The following LYPD6B variants were observed in gnomAD, a reference collection of about 807,000 sequenced individuals.
The protein encoded by LYPD6B is ly6/PLAUR domain-containing protein 6B.
Under a neutral mutation model 22.8 loss-of-function variants are expected in LYPD6B, and 17 were observed. That is an observed-to-expected ratio of 0.75 (90% CI 0.51 to 1.12). The LOEUF (loss-of-function observed/expected upper bound fraction) is 1.12, where lower values mean the gene tolerates loss of function less well. LYPD6B is among the 50% of genes most tolerant of loss of function. The probability of loss-of-function intolerance (pLI) is 0.00; values close to 1 mark genes in which losing one functional copy is unlikely to be tolerated. For missense variants in LYPD6B, 221 were observed against 258.3 expected (o/e 0.86, Z 0.99); for synonymous variants, 106 against 91.6 (o/e 1.16, Z -0.90).
chr2:149,173,100 C>G (rs10490384), intron 3 of LYPD6B, among the ~76,000 whole-genome samples: 14,096 of 151,408 alleles, frequency 0.093, 804 homozygotes, highest in Non-Finnish European at 0.11. Context: ...CTAATACAAT[C>G]GTGAAGAAGA....
intron 1 of LYPD6B, among the ~76,000 whole-genome samples, chr2:149,056,274 T>G (rs559883418): frequency 6.6e-6 from 1 of 152,194 alleles, no homozygotes; most frequent in Admixed American, 6.5e-5. Flanking sequence ...CTTCAGGTAC[T>G]GTGCTGGGAT....
intron 2 of LYPD6B, among the ~76,000 whole-genome samples, chr2:149,143,469 T>C (rs1245438901): frequency 5.3e-5 from 8 of 149,704 alleles, no homozygotes; most frequent in African/African-American, 1.7e-4. Flanking sequence ...CTATACCGTT[T>C]GAAAAGTTTA....
intron 1 of LYPD6B, among the ~76,000 whole-genome samples, chr2:149,103,511 G>A (rs907095361): frequency 6.6e-6 from 1 of 152,050 alleles, no homozygotes; most frequent in African/African-American, 2.4e-5. Flanking sequence ...ACAATAAACT[G>A]TACATATTTA....
chr2:149,162,840 GTACTC>G (rs1383657197), intron 3 of LYPD6B, among the ~76,000 whole-genome samples: 2 of 152,074 alleles, frequency 1.3e-5, no homozygotes, highest in Non-Finnish European at 2.9e-5. Context: ...TGGCTGCTGA[GTACTC>G]TATTAAATGT....
At chr2:149,198,400 G>A (rs926754759) in intron 3 of LYPD6B, among the ~76,000 whole-genome samples, 2 of 152,142 alleles carry the variant, frequency 1.3e-5, no homozygotes, top group African/African-American at 4.8e-5. Flanking sequence ...TGTCATGAAA[G>A]CCTTCTCCAG....
Position 149,214,538 on chromosome 2 carries a change from T to C in LYPD6B, c.460-8T>C. 1.2e-6 allele frequency: 2 copies of C among 1,612,496 alleles called. No homozygotes were observed. Among genetic ancestry groups the C allele is most frequent in the Non-Finnish European group, 1.7e-6 (2 of 1,178,598 alleles). ...CACTGTCATTTCCTCTCTCCTTTTTTGTAACAGGAGTGTAGGTCTTGCTGT... is the reference window on the plus strand; with the variant it reads ...CACTGTCATTTCCTCTCTCCTTTTTCGTAACAGGAGTGTAGGTCTTGCTGT... On this transcript the variant is annotated splice_region_variant and splice_polypyrimidine_tract_variant and intron_variant, in intron 6 of 6. Transcript: ENST00000409642.
chr2:149,159,856 C>T (rs1262090134), intron 2 of LYPD6B, among the ~76,000 whole-genome samples: 1 of 152,098 alleles, frequency 6.6e-6, no homozygotes, highest in African/African-American at 2.4e-5. Flanking sequence ...GGCTCACTCA[C>T]ATTATGAAAG....
intron 3 of LYPD6B, among the ~76,000 whole-genome samples, chr2:149,175,061 C>CTCTGTG (rs1454802925): frequency 0.023 from 2,601 of 112,836 alleles, 65 homozygotes; most frequent in East Asian, 0.12. Flanking sequence ...CTCTCTCTCT[C>CTCTGTG]TGTGTGTGTG....
intron 2 of LYPD6B, among the ~76,000 whole-genome samples, chr2:149,134,127 C>A (rs1688202737): frequency 6.6e-6 from 1 of 151,906 alleles, no homozygotes; most frequent in Non-Finnish European, 1.5e-5. Context: ...ACAGCGGAGA[C>A]CTGAAGAAAG....
intron 1 of LYPD6B, among the ~76,000 whole-genome samples, chr2:149,090,213 A>G (rs989784212): frequency 1.3e-5 from 2 of 152,252 alleles, no homozygotes; most frequent in African/African-American, 4.8e-5. Flanking sequence ...GTATTTCAGA[A>G]ATATGTGAAT....
chr2:149,097,764 A>C (rs535147222), intron 1 of LYPD6B, among the ~76,000 whole-genome samples: 1 of 152,364 alleles, frequency 6.6e-6, no homozygotes, highest in Non-Finnish European at 1.5e-5. Context: ...GCAATAAAAA[A>C]ATCTTAAATA....
intron 1 of LYPD6B, among the ~76,000 whole-genome samples, chr2:149,061,158 A>G (rs1017780571): frequency 1.5e-4 from 22 of 151,220 alleles, no homozygotes; most frequent in African/African-American, 5.1e-4. Flanking sequence ...TTCAGCAGGC[A>G]TGCTCTGTAG....
At chr2:149,171,991 CTG>C (rs1690862859) in intron 3 of LYPD6B, among the ~76,000 whole-genome samples, 2 of 152,056 alleles carry the variant, frequency 1.3e-5, no homozygotes, top group Non-Finnish European at 2.9e-5. Flanking sequence ...CCGTATGCCT[CTG>C]TATTAGTTTG....
intron 3 of LYPD6B, among the ~76,000 whole-genome samples, chr2:149,178,968 G>A (rs895808768): frequency 3.9e-5 from 6 of 152,186 alleles, no homozygotes; most frequent in South Asian, 4.1e-4. Flanking sequence ...TACTACCGTC[G>A]TCATGAGATT....
chr2:149,154,588 C>T (rs554260062), intron 2 of LYPD6B, among the ~76,000 whole-genome samples: 1 of 146,440 alleles, frequency 6.8e-6, no homozygotes, highest in East Asian at 2.0e-4. Context: ...CCATCCTAAA[C>T]TTTTGTTATT....
rs115515681 is a variant in LYPD6B, at chr2:149,057,901, C to T, written c.-67+19100C>T. ...ATGTGTGATGAATGCATCCGTAAGACGTATTGTTACTCAGTTACTGTTTAC... is the reference window on the plus strand; with the variant it reads ...ATGTGTGATGAATGCATCCGTAAGATGTATTGTTACTCAGTTACTGTTTAC... On this transcript the variant is annotated intron_variant, in intron 1 of 6. Transcript: ENST00000409642. 2.5e-3 allele frequency among the ~76,000 whole-genome samples: 387 copies of T among 152,220 alleles called. 3 individuals are homozygous for T. Among genetic ancestry groups the T allele is most frequent in the African/African-American group, 8.9e-3 (369 of 41,532 alleles).
chr2:149,147,906 C>CTGTGTGTGTGTGTG (rs61441741), intron 2 of LYPD6B, among the ~76,000 whole-genome samples: 5,339 of 138,976 alleles, frequency 0.038, 171 homozygotes, highest in African/African-American at 0.072. Flanking sequence ...GCACATGGGC[C>CTGTGTGTGTGTGTG]TGTGTGTGTG....
At chr2:149,171,923 G>A (rs1690855153) in intron 3 of LYPD6B, among the ~76,000 whole-genome samples, 1 of 152,028 alleles carries the variant, frequency 6.6e-6, no homozygotes, top group South Asian at 2.1e-4. Context: ...CCTGCTTTGT[G>A]GCTCCCAGGC....
intron 1 of LYPD6B, among the ~76,000 whole-genome samples, chr2:149,082,425 C>G (rs1685179019): frequency 6.6e-6 from 1 of 152,136 alleles, no homozygotes; most frequent in Admixed American, 6.5e-5. Context: ...TTATAGATGC[C>G]TAGACATGCA....
Sources: gnomAD v4.1 joint callset for allele counts (sites outside exome capture counted in the v4.1 genomes callset) on GRCh38, gnomAD v4.1.1 for gene constraint, MANE v1.5 for transcripts, NCBI Gene and HGNC (gene_info 2026-07-23, HGNC 2026-07-21) for gene names.